CHCHD3: variants seen among roughly 807,000 people sequenced by gnomAD.
The protein encoded by CHCHD3 is MICOS complex subunit MIC19.
In CHCHD3, 20 loss-of-function variants were observed where a neutral mutation model predicts 38.2. The ratio of observed to expected loss-of-function variants is 0.52; its 90% confidence interval spans 0.37 to 0.76. The LOEUF is 0.76. CHCHD3 is among the 30% of genes least tolerant of loss of function. The probability of loss-of-function intolerance (pLI) is 0.00; values close to 1 mark genes in which losing one functional copy is unlikely to be tolerated. For synonymous variants in CHCHD3, 82 were observed against 100.0 expected (o/e 0.82, Z 1.07); for missense variants, 245 against 279.2 (o/e 0.88, Z 0.87).
chr7:133,007,807 G>C lies in CHCHD3; in HGVS notation c.251+16739C>G, dbSNP rs1413303170. 2.6e-5 allele frequency among the ~76,000 whole-genome samples: 4 copies of C among 152,008 alleles called. No individual in the cohort carries two copies. In the East Asian group the frequency reaches 7.7e-4, roughly 29 times the overall value. ...ACAGCCTTCCTGGAATTACTCTCTG[G>C]CTTCTCAACATCTGATATTATATGT... On this transcript the variant is annotated intron_variant, in intron 3 of 7. Coordinates refer to ENST00000262570, the MANE Select transcript of CHCHD3 (RefSeq NM_017812.4).
At chr7:133,041,396 C>T (rs1813832330) in intron 2 of CHCHD3, among the ~76,000 whole-genome samples, 2 of 152,154 alleles carry the variant, frequency 1.3e-5, no homozygotes, top group East Asian at 1.9e-4. Flanking sequence ...CTTCAAGGCT[C>T]CATCCAGTCA....
chr7:132,904,650 A>T (rs573330512), intron 4 of CHCHD3, among the ~76,000 whole-genome samples: 4 of 152,344 alleles, frequency 2.6e-5, no homozygotes, highest in Non-Finnish European at 5.9e-5. Context: ...GTGGGACTGC[A>T]AACTAGTTCA....
At chr7:133,022,526 T>G (rs1036889564) in intron 3 of CHCHD3, 6 of 456,236 alleles carry the variant, frequency 1.3e-5, no homozygotes, top group African/African-American at 6.0e-5. Context: ...AAAATATAGC[T>G]ATTGATTCTC....
rs550583881 is a variant in CHCHD3, at chr7:132,932,208, A to T, written c.369+42961T>A. ...GCTCTGCCAGCAGCCCCTGACACCAATTAGGAAACTAAAATAGTGAACTGC... is the reference window on the plus strand; with the variant it reads ...GCTCTGCCAGCAGCCCCTGACACCATTTAGGAAACTAAAATAGTGAACTGC... On this transcript the variant is annotated intron_variant, in intron 4 of 7. Transcript: ENST00000262570. Among the ~76,000 whole-genome samples the T allele has an allele frequency of 1.6e-3, 246 of 152,276 alleles. 1 individual carries two copies. Among genetic ancestry groups the T allele is most frequent in the African/African-American group, 5.6e-3 (233 of 41,542 alleles).
chr7:132,822,262 C>T (rs1358521443), intron 6 of CHCHD3, among the ~76,000 whole-genome samples: 1 of 152,132 alleles, frequency 6.6e-6, no homozygotes, highest in Non-Finnish European at 1.5e-5. Context: ...TGTAGTTTTT[C>T]TCAGAGTTAA....
chr7:132,842,862 C>T (rs1226719899), intron 5 of CHCHD3, among the ~76,000 whole-genome samples: 3 of 152,128 alleles, frequency 2.0e-5, no homozygotes, highest in Non-Finnish European at 2.9e-5. Flanking sequence ...GGATTCTCCA[C>T]AACAAAGCTA....
rs1194643735 is a variant in CHCHD3, at chr7:132,992,027, G to A, written c.252-16741C>T. On this transcript the variant is annotated intron_variant, in intron 3 of 7. Transcript: ENST00000262570. ...CTCTCTGCTTCATGATGTGGAGCTG[G>A]CGGGGAAGGCAAGGTCTCTAAACAC... is the stretch of plus-strand genomic sequence containing the variant. Among the ~76,000 whole-genome samples, 9 of 152,254 alleles carry A rather than the reference G, an allele frequency of 5.9e-5. No homozygotes were observed. The East Asian group carries it at 1.7e-3, about 29-fold the overall frequency.
intron 3 of CHCHD3, chr7:133,022,414 A>ATACAT: frequency 2.2e-6 from 1 of 456,730 alleles, no homozygotes; most frequent in South Asian, 1.5e-5. Context: ...ACAATAACGT[A>ATACAT]TACATGTTCT....
chr7:133,043,381 C>T (rs1167032600), intron 2 of CHCHD3, among the ~76,000 whole-genome samples: 1 of 152,146 alleles, frequency 6.6e-6, no homozygotes, highest in African/African-American at 2.4e-5. Context: ...GTGGCTCACA[C>T]CTGTAATCCC....
At chr7:132,852,421 G>A (rs1329455700) in intron 5 of CHCHD3, among the ~76,000 whole-genome samples, 2 of 152,100 alleles carry the variant, frequency 1.3e-5, no homozygotes, top group African/African-American at 4.8e-5. Context: ...CAATGCCATG[G>A]GAGGGAGGTA....
intron 3 of CHCHD3, among the ~76,000 whole-genome samples, chr7:132,986,375 G>C (rs1194766481): frequency 8.4e-6 from 1 of 119,026 alleles, no homozygotes; most frequent in Non-Finnish European, 1.7e-5. Context: ...CCCTCTGCGA[G>C]AAACACCCAA....
chr7:133,008,734 G>C (rs1265995270), intron 3 of CHCHD3, among the ~76,000 whole-genome samples: 2 of 152,058 alleles, frequency 1.3e-5, no homozygotes, highest in Non-Finnish European at 2.9e-5. Flanking sequence ...TCAATAGGAG[G>C]CTTTAAAATA....
At chr7:132,905,184 A>G (rs1291082627) in intron 4 of CHCHD3, among the ~76,000 whole-genome samples, 2 of 152,094 alleles carry the variant, frequency 1.3e-5, no homozygotes, top group Admixed American at 1.3e-4. Flanking sequence ...CCAACATGGC[A>G]CATGTATACC....
intron 4 of CHCHD3, among the ~76,000 whole-genome samples, chr7:132,904,121 C>A (rs1363628942): frequency 3.3e-5 from 5 of 152,028 alleles, no homozygotes; most frequent in African/African-American, 1.2e-4. Context: ...ATCAGCTGGG[C>A]ATGGTGGCAT....
chr7:133,071,735 T>G (rs1562954234), intron 1 of CHCHD3, among the ~76,000 whole-genome samples: 1 of 152,200 alleles, frequency 6.6e-6, no homozygotes, highest in Admixed American at 6.5e-5. Flanking sequence ...AACAAAATCT[T>G]ACATATCCAT....
intron 3 of CHCHD3, among the ~76,000 whole-genome samples, 190 bp downstream of exon 3, chr7:133,024,356 T>C (rs1369933880): frequency 6.6e-6 from 1 of 152,234 alleles, no homozygotes; most frequent in East Asian, 1.9e-4. Context: ...CAGTCAGCTT[T>C]GGGAAGCAGG....
intron 2 of CHCHD3, among the ~76,000 whole-genome samples, chr7:133,036,496 G>C (rs1425153472): frequency 6.6e-6 from 1 of 152,228 alleles, no homozygotes; most frequent in East Asian, 1.9e-4. Flanking sequence ...GGTGTTGGGG[G>C]TATATACCAT....
chr7:132,901,009 A>T (rs1369902301), intron 4 of CHCHD3, among the ~76,000 whole-genome samples: 2 of 152,186 alleles, frequency 1.3e-5, no homozygotes, highest in Non-Finnish European at 2.9e-5. Flanking sequence ...AAAAACAGAG[A>T]GAGAAAAAAA....
At chr7:132,786,773 T>C (rs556246534) in intron 7 of CHCHD3, among the ~76,000 whole-genome samples, 1 of 152,322 alleles carries the variant, frequency 6.6e-6, no homozygotes, top group East Asian at 1.9e-4. Flanking sequence ...AATTCAGGAA[T>C]AATAAAAGGT....
Sources: gnomAD v4.1 joint callset for allele counts (sites outside exome capture counted in the v4.1 genomes callset) on GRCh38, gnomAD v4.1.1 for gene constraint, MANE v1.5 for transcripts, NCBI Gene and HGNC (gene_info 2026-07-23, HGNC 2026-07-21) for gene names.